Variants in GDA observed in about 807,000 individuals in gnomAD.
GDA encodes the protein cytoplasmic PSD-95 interactor.
In GDA, 18 loss-of-function variants were observed where a neutral mutation model predicts 59.6. The observed-to-expected ratio is 0.30, with a 90% CI of 0.21 to 0.45. The LOEUF is 0.45. GDA is among the 20% of genes least tolerant of loss of function. GDA has a pLI of 1.00. For missense variants in GDA, 427 were observed against 552.3 expected (o/e 0.77, Z 2.27); for synonymous variants, 201 against 201.1 (o/e 1.00, Z 0.00).
At chr9:72,148,307 GTA>G (rs1282170173), upstream of GDA, among the ~76,000 whole-genome samples, 52 of 75,492 alleles carry the variant, frequency 6.9e-4, no homozygotes, top group African/African-American at 2.6e-3. Flanking sequence ...ATTGGTGTGT[GTA>G]TGTGTGTGTG....
downstream of GDA, among the ~76,000 whole-genome samples, chr9:72,256,650 C>T (rs1293520750): frequency 6.6e-6 from 1 of 152,226 alleles, no homozygotes; most frequent in Non-Finnish European, 1.5e-5. Flanking sequence ...GACTTGACTT[C>T]TGGAAAAGTA....
At chr9:72,144,924 T>C (rs1826571986), upstream of GDA, among the ~76,000 whole-genome samples, 1 of 151,658 alleles carries the variant, frequency 6.6e-6, no homozygotes, top group Admixed American at 6.6e-5. Flanking sequence ...AACAAGCTTG[T>C]CAGAGTTTCC....
Position 72,215,302 on chromosome 9 carries a change from GA to G in GDA, c.578+1313del, listed in dbSNP as rs1835962488. ...AAGTAATATGTGTTTCCATGGTCCA[GA>G]ACTTAGAGAAACACAAAAAGGTATA... On this transcript the variant is annotated intron_variant, in intron 5 of 13. Transcript: ENST00000358399. Among the ~76,000 whole-genome samples, 4 of 150,612 alleles carry G rather than the reference GA, an allele frequency of 2.7e-5. No homozygotes were observed. The South Asian group carries it at 8.6e-4, about 32-fold the overall frequency.
intron 1 of GDA, among the ~76,000 whole-genome samples, chr9:72,189,642 A>G (rs1196376545): frequency 1.3e-5 from 2 of 152,266 alleles, no homozygotes; most frequent in East Asian, 3.9e-4. Context: ...GGAGTTCGAT[A>G]CCAGCCTGGG....
At chr9:72,156,206 G>C (rs180845868) in intron 1 of GDA, among the ~76,000 whole-genome samples, 1 of 152,330 alleles carries the variant, frequency 6.6e-6, no homozygotes, top group East Asian at 1.9e-4. Context: ...AAAGCTTCTT[G>C]AAGGAAGTAG....
At chr9:72,160,041 T>C (rs1342597783) in intron 1 of GDA, among the ~76,000 whole-genome samples, 1 of 152,156 alleles carries the variant, frequency 6.6e-6, no homozygotes, top group Non-Finnish European at 1.5e-5. Flanking sequence ...GGCTCATGCC[T>C]ATAATCCCAG....
intron 12 of GDA, among the ~76,000 whole-genome samples, chr9:72,247,163 A>C (rs748398558): frequency 3.9e-5 from 6 of 152,208 alleles, no homozygotes; most frequent in Non-Finnish European, 7.3e-5. Flanking sequence ...CTGATGACTC[A>C]AAATTCACAT....
At chr9:72,256,446 G>T (rs538838677), downstream of GDA, among the ~76,000 whole-genome samples, 1 of 152,256 alleles carries the variant, frequency 6.6e-6, no homozygotes, top group South Asian at 2.1e-4. Flanking sequence ...GAGAGCTAAG[G>T]GTGTTTAAGG....
chr9:72,147,584 T>C (rs1473770544), upstream of GDA, among the ~76,000 whole-genome samples: 1 of 152,122 alleles, frequency 6.6e-6, no homozygotes, highest in Admixed American at 6.6e-5. Context: ...TTCTATCAAG[T>C]AGATATATTC....
At chr9:72,141,954 A>T (rs1030039606) in intron 1 of GDA, among the ~76,000 whole-genome samples, 1 of 152,190 alleles carries the variant, frequency 6.6e-6, no homozygotes, top group African/African-American at 2.4e-5. Flanking sequence ...CTCTACTTCA[A>T]TATTGATCAA....
intron 1 of GDA, among the ~76,000 whole-genome samples, chr9:72,184,950 C>T (rs1396665633): frequency 1.3e-5 from 2 of 151,634 alleles, no homozygotes; most frequent in Non-Finnish European, 2.9e-5. Flanking sequence ...AGTTATATGG[C>T]CTGTGAGCTA....
At chr9:72,153,263 T>A (rs1827450064) in intron 1 of GDA, among the ~76,000 whole-genome samples, 1 of 152,056 alleles carries the variant, frequency 6.6e-6, no homozygotes, top group Non-Finnish European at 1.5e-5. Context: ...AGGATTGACT[T>A]GGTGATGCGG....
chr9:72,188,770 G>A (rs928657975), intron 1 of GDA, among the ~76,000 whole-genome samples: 5 of 152,140 alleles, frequency 3.3e-5, no homozygotes, highest in Non-Finnish European at 4.4e-5. Flanking sequence ...CTCCAGGATC[G>A]TGGAGCTACT....
intron 1 of GDA, among the ~76,000 whole-genome samples, chr9:72,135,091 C>G (rs1434410530): frequency 6.6e-6 from 1 of 152,132 alleles, no homozygotes; most frequent in Admixed American, 6.5e-5. Context: ...TCATTTTTTT[C>G]TCTACATCAA....
At chr9:72,198,335 C>T (rs1044244537) in intron 2 of GDA, among the ~76,000 whole-genome samples, 1 of 151,790 alleles carries the variant, frequency 6.6e-6, no homozygotes, top group Non-Finnish European at 1.5e-5. Context: ...GTCAGGAGAT[C>T]GAGACTGTCC....
At chr9:72,237,620 A>T (rs959231480) in intron 10 of GDA, among the ~76,000 whole-genome samples, 5 of 152,132 alleles carry the variant, frequency 3.3e-5, no homozygotes, top group African/African-American at 1.2e-4. Flanking sequence ...GACTTCTCTG[A>T]ATTCTAAACC....
At chr9:72,126,934 CTGG>C (rs1825868791) in intron 1 of GDA, among the ~76,000 whole-genome samples, 1 of 152,016 alleles carries the variant, frequency 6.6e-6, no homozygotes, top group Non-Finnish European at 1.5e-5. Flanking sequence ...CTGAGAGTAT[CTGG>C]TGCCATCCTT....
chr9:72,124,417 C>T (rs10429472), intron 1 of GDA, among the ~76,000 whole-genome samples: 23,922 of 152,238 alleles, frequency 0.16, 2,488 homozygotes, highest in East Asian at 0.51. Flanking sequence ...AATTTACACT[C>T]AGATTTCAGT....
intron 3 of GDA, among the ~76,000 whole-genome samples, chr9:72,203,013 A>G (rs1834200690): frequency 6.6e-6 from 1 of 152,204 alleles, no homozygotes; most frequent in Non-Finnish European, 1.5e-5. Flanking sequence ...TTACTTTACC[A>G]AATCTGGGTT....
Sources: gnomAD v4.1 joint callset for allele counts (sites outside exome capture counted in the v4.1 genomes callset) on GRCh38, gnomAD v4.1.1 for gene constraint, MANE v1.5 for transcripts, NCBI Gene and HGNC (gene_info 2026-07-23, HGNC 2026-07-21) for gene names.